SUPT3H: variants seen among roughly 807,000 people sequenced by gnomAD.
SUPT3H encodes SPT3 homolog, SAGA and STAGA complex component.
A neutral mutation model predicts 44.3 loss-of-function variants in SUPT3H; 44 were observed. The ratio of observed to expected loss-of-function variants is 0.99; its 90% CI spans 0.78 to 1.28. SUPT3H has a LOEUF of 1.28. Ranked by LOEUF, SUPT3H falls within the 50% of genes most tolerant of loss-of-function variation. The pLI is 0.00. For synonymous variants in SUPT3H, 124 were observed against 125.6 expected (o/e 0.99, Z 0.09); for missense variants, 380 against 387.1 (o/e 0.98, Z 0.15).
intron 2 of SUPT3H, chr6:45,323,033 G>A (rs1032590070): frequency 5.3e-6 from 5 of 946,286 alleles, no homozygotes; most frequent in African/African-American, 3.4e-5. Context: ...ACAGACATAC[G>A]ATGATATTCA....
intron 2 of SUPT3H, among the ~76,000 whole-genome samples, chr6:45,315,962 T>C (rs1235178117): frequency 6.7e-6 from 1 of 150,232 alleles, no homozygotes; most frequent in South Asian, 2.1e-4. Context: ...GATAGATAGA[T>C]AGATAGATAG....
chr6:44,951,240 T>TG (rs1774259874), intron 9 of SUPT3H, among the ~76,000 whole-genome samples: 1 of 151,916 alleles, frequency 6.6e-6, no homozygotes. Flanking sequence ...AGAAGGTTTT[T>TG]TTTTTTTTTT....
intron 3 of SUPT3H, among the ~76,000 whole-genome samples, chr6:45,091,735 T>TC (rs1797146159): frequency 6.6e-6 from 1 of 152,086 alleles, no homozygotes; most frequent in Non-Finnish European, 1.5e-5. Flanking sequence ...TTTAAAAATA[T>TC]TTTTCCCTTA....
At chr6:45,103,727 T>C (rs115470562) in intron 3 of SUPT3H, among the ~76,000 whole-genome samples, 2,257 of 152,184 alleles carry the variant, frequency 0.015, 56 homozygotes, top group African/African-American at 0.05. Flanking sequence ...GCTGAAAACT[T>C]CCACGAATTG....
At chr6:44,934,268 C>A (rs1475994963) in intron 9 of SUPT3H, among the ~76,000 whole-genome samples, 4 of 152,064 alleles carry the variant, frequency 2.6e-5, no homozygotes, top group African/African-American at 9.7e-5. Flanking sequence ...AGCAATTTCA[C>A]CTGTAAGAAT....
intron 2 of SUPT3H, among the ~76,000 whole-genome samples, chr6:45,287,557 G>A (rs12529946): frequency 0.38 from 57,371 of 151,912 alleles, 11,526 homozygotes; most frequent in Non-Finnish European, 0.45. Context: ...TAATTTGTAT[G>A]GTCCAATTCA....
At chr6:45,214,425 C>T (rs1332166840) in intron 2 of SUPT3H, among the ~76,000 whole-genome samples, 1 of 139,846 alleles carries the variant, frequency 7.2e-6, no homozygotes, top group Admixed American at 7.2e-5. Flanking sequence ...GAATTACATA[C>T]AAAAAAAAAT....
chr6:45,137,944 G>C (rs1381986940), intron 2 of SUPT3H, among the ~76,000 whole-genome samples: 4 of 151,910 alleles, frequency 2.6e-5, no homozygotes, highest in African/African-American at 4.8e-5. Context: ...CAAAAAGAGG[G>C]AGAAATTACT....
intron 10 of SUPT3H, among the ~76,000 whole-genome samples, chr6:44,867,268 CAGTCTCCTG>C (rs2153428275): frequency 6.6e-6 from 1 of 152,042 alleles, no homozygotes; most frequent in East Asian, 1.9e-4. Flanking sequence ...TCTCCTGTCT[CAGTCTCCTG>C]AGGAGCTGGG....
chr6:45,340,721 A>T (rs1789608282), intron 2 of SUPT3H, among the ~76,000 whole-genome samples: 1 of 152,110 alleles, frequency 6.6e-6, no homozygotes, highest in Non-Finnish European at 1.5e-5. Flanking sequence ...ACACATATAT[A>T]CTCTATGTGA....
chr6:44,829,999 G>T, intron 10 of SUPT3H, 142 bp from the exon 11 acceptor site: 1 of 716,874 alleles, frequency 1.4e-6, no homozygotes, highest in Non-Finnish European at 2.3e-6. Flanking sequence ...GAATATTTCT[G>T]GTGGCAAAAC....
chr6:45,299,695 A>G (rs1781842162), intron 2 of SUPT3H, among the ~76,000 whole-genome samples: 1 of 151,536 alleles, frequency 6.6e-6, no homozygotes, highest in Admixed American at 6.6e-5. Context: ...AAGGAAGATC[A>G]CTTAAGCCAA....
chr6:45,109,380 A>C (rs528296583), intron 2 of SUPT3H, among the ~76,000 whole-genome samples: 2 of 152,220 alleles, frequency 1.3e-5, no homozygotes, highest in Non-Finnish European at 2.9e-5. Flanking sequence ...TCAACGCTAA[A>C]TAATTGGCTT....
At chr6:45,211,284 G>A (rs1425643505) in intron 2 of SUPT3H, among the ~76,000 whole-genome samples, 1 of 152,032 alleles carries the variant, frequency 6.6e-6, no homozygotes, top group Non-Finnish European at 1.5e-5. Context: ...GTAAGGTGAA[G>A]TTGTAACAGT....
chr6:45,325,235 T>C (rs777138807), intron 2 of SUPT3H, among the ~76,000 whole-genome samples: 18 of 151,806 alleles, frequency 1.2e-4, no homozygotes, highest in African/African-American at 3.9e-4. Context: ...AATAAAAGAA[T>C]AGAGTTAGCA....
chr6:44,932,022 T>C (rs1178522653), intron 10 of SUPT3H, among the ~76,000 whole-genome samples: 1 of 152,180 alleles, frequency 6.6e-6, no homozygotes, highest in Non-Finnish European at 1.5e-5. Context: ...CTTGAAGAAA[T>C]TTCTCTTAAC....
At chr6:45,062,170 T>G (rs1486215191) in intron 3 of SUPT3H, among the ~76,000 whole-genome samples, 1 of 152,032 alleles carries the variant, frequency 6.6e-6, no homozygotes, top group African/African-American at 2.4e-5. Flanking sequence ...GTGAATTATT[T>G]CAATTCAGTC....
intron 2 of SUPT3H, chr6:45,159,208 G>A (rs1038909856): frequency 1.3e-5 from 2 of 152,142 alleles, no homozygotes; most frequent in African/African-American, 4.8e-5. Context: ...TTAACTTACT[G>A]TCAATGCAGC....
rs577237595 is a variant in SUPT3H at position 44,936,751 on chromosome 6, T to C, written c.802-3988A>G. Among the ~76,000 whole-genome samples, 22 of 152,244 alleles carry C rather than the reference T, an allele frequency of 1.4e-4. No homozygotes were observed. In the East Asian group the frequency reaches 4.1e-3, roughly 28 times the overall value. On this transcript the variant is annotated intron_variant, in intron 9 of 10. Coordinates refer to ENST00000371459, the MANE Select transcript of SUPT3H (RefSeq NM_003599.4). ...GGTGCGATCTTGACTCAATGCAACC[T>C]CTGTTACCCAAGTTCAAGTGATTCT...
Sources: gnomAD v4.1 joint callset for allele counts (sites outside exome capture counted in the v4.1 genomes callset) on GRCh38, gnomAD v4.1.1 for gene constraint, MANE v1.5 for transcripts, NCBI Gene and HGNC (gene_info 2026-07-23, HGNC 2026-07-21) for gene names.